ITGB4: variants seen among roughly 807,000 people sequenced by gnomAD.
ITGB4 encodes integrin subunit beta 4.
ITGB4 carries 159 observed loss-of-function variants against 207.6 expected under a neutral mutation model. That is an observed-to-expected ratio of 0.77 (90% CI 0.67 to 0.87). The LOEUF (loss-of-function observed/expected upper bound fraction) is 0.87, where lower values mean the gene tolerates loss of function less well. Ranked by LOEUF, ITGB4 falls within the 40% of genes least tolerant of loss-of-function variation. The probability of loss-of-function intolerance (pLI) is 0.00; values close to 1 mark genes in which losing one functional copy is unlikely to be tolerated. For synonymous variants in ITGB4, 1,020 were observed against 1,062.7 expected (o/e 0.96, Z 0.78); for missense variants, 2,278 against 2,546.8 (o/e 0.89, Z 2.27).
chr17:75,742,530 C>A lies in ITGB4; in HGVS notation c.2782+41C>A. 1 of 1,613,394 alleles carries A rather than the reference C, an allele frequency of 6.2e-7. No homozygotes were observed. The highest frequency in any genetic ancestry group is 8.5e-7 in the Non-Finnish European group (1 of 1,179,868). ...CGCTGTGCCACTGCCTCGCACCTCC[C>A]GCCTGTGTGGCCCTGTGACCCACCT... On this transcript the variant is annotated intron_variant, in intron 24 of 39. Coordinates refer to ENST00000200181, the MANE Select transcript of ITGB4 (RefSeq NM_000213.5). The surrounding 1 kb of genome is among the most constrained non-coding windows in gnomAD (Gnocchi z 5.9).
intron 26 of ITGB4, among the ~76,000 whole-genome samples, chr17:75,748,478 T>C (rs988717481): frequency 5.9e-5 from 9 of 152,026 alleles, no homozygotes; most frequent in Non-Finnish European, 8.8e-5. Flanking sequence ...GAGACCAGCC[T>C]GGCCAACATA....
chr17:75,739,301 A>T lies in ITGB4; in HGVS notation c.2221-371A>T, dbSNP rs2061053173. On this transcript the variant is annotated intron_variant, in intron 18 of 39. Transcript: ENST00000200181. This position sits in a 1 kb window ranked among gnomAD's most constrained non-coding sequence, Gnocchi z 5.4. The stretch of plus-strand genomic sequence containing the variant: ...CAGAGCGAGACCCTGTCTCAAAAAA[A>T]AAAAAAAGAAAAGAAACAAGTTTCT... Among the ~76,000 whole-genome samples, 1 of 152,028 alleles carries T rather than the reference A, an allele frequency of 6.6e-6. No individual in the cohort carries two copies. Among genetic ancestry groups the T allele is most frequent in the Admixed American group, 6.6e-5 (1 of 15,266 alleles).
chr17:75,742,215 T>A lies in ITGB4; in HGVS notation c.2634-126T>A. 1.6e-6 allele frequency: 2 copies of A among 1,251,030 alleles called. No homozygotes were observed. Among genetic ancestry groups the A allele is most frequent in the Non-Finnish European group, 2.3e-6 (2 of 875,864 alleles). 77.5% of individuals were successfully genotyped at this position (1,251,030 alleles called of 1,614,324 possible). ...ATAGGCCTGGAGCACTGCCTGCCTC[T>A]GAAGACCCTGCACTTCTTGCTGTCT... On this transcript the variant is annotated intron_variant, in intron 23 of 39. Coordinates refer to ENST00000200181, the MANE Select transcript of ITGB4 (RefSeq NM_000213.5). This position sits in a 1 kb window ranked among gnomAD's most constrained non-coding sequence, Gnocchi z 5.9.
intron 25 of ITGB4, 49 bp from the exon 26 acceptor site, chr17:75,743,664 G>A: frequency 1.2e-6 from 2 of 1,613,040 alleles, no homozygotes; most frequent in Non-Finnish European, 1.7e-6. Context: ...CAGGAGGTGG[G>A]AAGGGACTGG....
rs767702998 is a variant in ITGB4, at chr17:75,757,646, T to C, written c.*91T>C. Reference sequence around the variant, plus strand: ...CTCAGCTACTCCATCCTTGCACCCCTGGGGGCCCAGCCCACCCGCATGCAC... The same window carrying C: ...CTCAGCTACTCCATCCTTGCACCCCCGGGGGCCCAGCCCACCCGCATGCAC... On this transcript the variant is annotated 3_prime_UTR_variant, in exon 40 of 40. Coordinates refer to ENST00000200181, the MANE Select transcript of ITGB4 (RefSeq NM_000213.5). 1 of 1,565,988 alleles carries C rather than the reference T, an allele frequency of 6.4e-7. No homozygotes were observed. The highest frequency in any genetic ancestry group is 1.7e-5 in the Admixed American group (1 of 59,796).
intron 26 of ITGB4, among the ~76,000 whole-genome samples, chr17:75,748,545 C>T (rs1258083416): frequency 6.6e-6 from 1 of 151,926 alleles, no homozygotes; most frequent in Non-Finnish European, 1.5e-5. Context: ...TGGCAGGTGC[C>T]TGTAATCCCA....
chr17:75,753,812 C>A lies in ITGB4; in HGVS notation c.4156C>A (p.Arg1386=). ...CCTGCTGGGGGAGGAGCTGGACCTG[C>A]GGCGCGTCACGTGGCGGCTGCCCCC... The part of the protein sequence containing the change: ...EPLLGEELDL[R]RVTWRLPPEL... The change falls in exon 33 of 40, where the codon CGG becomes AGG. Residue 1386 remains arginine, a synonymous_variant. Transcript: ENST00000200181. 6.8e-7 allele frequency: 1 copy of A among 1,465,278 alleles called. No individual in the cohort carries two copies. The highest frequency in any genetic ancestry group is 9.0e-7 in the Non-Finnish European group (1 of 1,109,396). 90.8% of individuals were successfully genotyped at this position (1,465,278 alleles called of 1,614,324 possible). A position where few individuals can be genotyped will look rare whatever the true frequency, so the allele number is the denominator to read the frequency against.
At chr17:75,755,193 C>G (rs773210915) in intron 34 of ITGB4, 12 of 1,605,162 alleles carry the variant, frequency 7.5e-6, no homozygotes, top group Non-Finnish European at 1.0e-5. Context: ...GGGAGGCCAG[C>G]AGCGCCCTCC....
Position 75,739,813 on chromosome 17 carries a change from C to G in ITGB4, c.2255-67C>G. 1 of 1,608,534 alleles carries G rather than the reference C, an allele frequency of 6.2e-7. No homozygotes were observed. The highest frequency in any genetic ancestry group is 8.5e-7 in the Non-Finnish European group (1 of 1,175,390). On this transcript the variant is annotated intron_variant, in intron 19 of 39. Transcript: ENST00000200181. The surrounding 1 kb of genome is among the most constrained non-coding windows in gnomAD (Gnocchi z 5.4). ...CGGCAGAGGCTGGAGGCTCTGGGGT[C>G]CCACCTGAAGAGGTTGGGCTGTGCG...
chr17:75,743,794 G>A lies in ITGB4; in HGVS notation c.3044G>A (p.Arg1015His), dbSNP rs151183954. 49 of 1,613,084 alleles carry A rather than the reference G, an allele frequency of 3.0e-5. No individual in the cohort carries two copies. Among genetic ancestry groups the A allele is most frequent in the South Asian group, 2.3e-4 (21 of 91,036 alleles). The stretch of plus-strand genomic sequence containing the variant: ...GTGGCCCGCATCCCTGTCATCCGGC[G>A]TGTCCTGGACGGCGGGAAGTCCCAG... ...DQVARIPVIR[R>H]VLDGGKSQVS... The change falls in exon 26 of 40, where the codon CGT becomes CAT. Residue 1015 changes from arginine (R) to histidine (H), a missense_variant. By Grantham distance (29) the Arg-to-His change is conservative. Transcript: ENST00000200181.
chr17:75,755,662 C>G, intron 34 of ITGB4, 39 bp from the exon 35 acceptor site: 1 of 1,611,396 alleles, frequency 6.2e-7, no homozygotes, highest in Non-Finnish European at 8.5e-7. Context: ...GAGACCCTAG[C>G]CCCTGCATCT....
chr17:75,754,825 C>G lies in ITGB4; in HGVS notation c.4558+10C>G. The G allele has an allele frequency of 6.2e-7, 1 of 1,613,930 alleles. No individual in the cohort carries two copies. The highest frequency in any genetic ancestry group is 8.5e-7 in the Non-Finnish European group (1 of 1,179,960). On this transcript the variant is annotated intron_variant, in intron 34 of 39. Transcript: ENST00000200181. ...TCCGTCTCCTCCCACGGTGAGTGAC[C>G]TCAGCCAACCCTGCCTCTCCCACTA...
intron 30 of ITGB4, among the ~76,000 whole-genome samples, 174 bp downstream of exon 30, chr17:75,751,285 G>A (rs1169951164): frequency 6.6e-6 from 1 of 152,194 alleles, no homozygotes; most frequent in Non-Finnish European, 1.5e-5. Context: ...GCCAGATTTG[G>A]GCTGGGTTGC....
chr17:75,752,661 G>C (rs939918141), intron 32 of ITGB4, 84 bp downstream of exon 32: 1 of 1,551,566 alleles, frequency 6.4e-7, no homozygotes, highest in Non-Finnish European at 8.8e-7. Context: ...AGGGCAAAGG[G>C]GCCAGCAACT....
chr17:75,751,150 C>A (rs2061358845), intron 30 of ITGB4, 39 bp downstream of exon 30: 2 of 1,609,222 alleles, frequency 1.2e-6, no homozygotes, highest in Non-Finnish European at 1.7e-6. Context: ...ACAGGGAGAA[C>A]AGCCATGGAA....
intron 17 of ITGB4, 45 bp from the exon 18 acceptor site, chr17:75,737,493 G>A (rs112763458): frequency 1.4e-5 from 21 of 1,554,014 alleles, no homozygotes; most frequent in Middle Eastern, 1.7e-4. Flanking sequence ...GCCAGAGCTC[G>A]GTGGGGAGGA....
At position 75,739,968 on chromosome 17, in the gene ITGB4, C is replaced by T. The variant is rs1184958737; in HGVS notation, c.2343C>T (p.Ser781=). 25 of 1,613,250 alleles carry T rather than the reference C, an allele frequency of 1.5e-5. No homozygotes were observed. The highest frequency in any genetic ancestry group is 1.9e-5 in the Non-Finnish European group (23 of 1,180,030). The change falls in exon 20 of 40, where the codon AGC becomes AGT. Residue 781 remains serine (S), a synonymous_variant. Transcript: ENST00000200181. The surrounding 1 kb of genome is among the most constrained non-coding windows in gnomAD (Gnocchi z 5.4). ...SDHLDTPMLR[S]GNLKGRDVVR... The stretch of plus-strand genomic sequence containing the variant: ...ACTTGGACACGCCCATGCTGCGCAG[C>T]GGGAACCTCAAGGGCCGTGACGTGG...
At chr17:75,755,123 C>G in intron 34 of ITGB4, 1 of 1,610,134 alleles carries the variant, frequency 6.2e-7, no homozygotes, top group Non-Finnish European at 8.5e-7. Flanking sequence ...GTCCCGGAGT[C>G]GGGCTCAGAT....
rs2857582 is a variant in ITGB4 at position 75,732,094 on chromosome 17, G to A, written c.1378-69G>A. On this transcript the variant is annotated intron_variant, in intron 11 of 39. Coordinates refer to ENST00000200181, the MANE Select transcript of ITGB4 (RefSeq NM_000213.5). The surrounding 1 kb of genome is among the most constrained non-coding windows in gnomAD (Gnocchi z 5.3). ...GTGGGGTTTCCCGAGGCACACAGGA[G>A]AGCGGAAGTGTCCAGTGGCCCCGGT... 1.2e-6 allele frequency: 2 copies of A among 1,606,484 alleles called. No individual in the cohort carries two copies. The highest frequency in any genetic ancestry group is 4.5e-5 in the East Asian group (2 of 44,860).
Sources: allele counts gnomAD v4.1 joint callset (sites outside exome capture counted in the v4.1 genomes callset), GRCh38; gene constraint gnomAD v4.1.1; non-coding constraint Gnocchi (gnomAD v3.1); transcripts MANE v1.5; gene names NCBI Gene and HGNC (gene_info 2026-07-23, HGNC 2026-07-21).